Variants in SMIM21 observed in about 807,000 individuals in gnomAD.
SMIM21 encodes chromosome 18 open reading frame 62.
Under a neutral mutation model 8.6 loss-of-function variants are expected in SMIM21, and 8 were observed. The ratio of observed to expected loss-of-function variants is 0.93; its 90% confidence interval spans 0.55 to 1.68. The LOEUF (loss-of-function observed/expected upper bound fraction) is 1.68, where lower values mean the gene tolerates loss of function less well. Ranked by LOEUF, SMIM21 falls within the 40% of genes most tolerant of loss-of-function variation. The pLI, the probability that SMIM21 is intolerant of heterozygous loss-of-function variation, is 0.00. For synonymous variants in SMIM21, 43 were observed against 41.7 expected, an observed-to-expected ratio of 1.03 and a Z score of -0.12; for missense variants, 132 against 123.0, an observed-to-expected ratio of 1.07 and a Z score of -0.35.
chr18:75,421,962 C>G (rs1168621991), intron 1 of SMIM21, among the ~76,000 whole-genome samples: 1 of 152,080 alleles, frequency 6.6e-6, no homozygotes, highest in East Asian at 1.9e-4. Context: ...GAAAACACCT[C>G]AGGGACTCCC....
In SMIM21 at chr18:75,410,811, T is replaced by G. The variant is rs776732866; in HGVS notation, c.*53A>C. The G allele has an allele frequency of 3.0e-5, 48 of 1,606,208 alleles. No homozygotes were observed. Among genetic ancestry groups the G allele is most frequent in the Admixed American group, 1.0e-4 (6 of 58,672 alleles). ...ATTTCCTCTTAATTTCTTTTCATCTTGAGCAGGGGAAATCCATGGTATGAA... is the reference window on the plus strand; with the variant it reads ...ATTTCCTCTTAATTTCTTTTCATCTGGAGCAGGGGAAATCCATGGTATGAA... On this transcript the variant is annotated 3_prime_UTR_variant, in exon 3 of 3. Transcript: ENST00000579022.
chr18:75,420,978 G>A (rs1250665477), intron 1 of SMIM21, among the ~76,000 whole-genome samples: 3 of 152,146 alleles, frequency 2.0e-5, no homozygotes, highest in African/African-American at 7.2e-5. Context: ...TTCTTAACGG[G>A]AATCCTAAGA....
intron 2 of SMIM21, chr18:75,416,919 G>A (rs1021260575): frequency 5.9e-5 from 9 of 152,162 alleles, no homozygotes; most frequent in African/African-American, 2.2e-4. Context: ...TTCCTGGGAG[G>A]TAGAAACGAC....
chr18:75,412,499 A>G (rs2024594733), intron 2 of SMIM21: 1 of 152,220 alleles, frequency 6.6e-6, no homozygotes, highest in Non-Finnish European at 1.5e-5. Context: ...TGGTTTGTGG[A>G]AAGAGTGCTA....
intron 1 of SMIM21, among the ~76,000 whole-genome samples, chr18:75,421,994 T>C (rs1737691987): frequency 6.6e-6 from 1 of 152,076 alleles, no homozygotes; most frequent in Non-Finnish European, 1.5e-5. Context: ...TGAGAACCAA[T>C]ATGACGTGAT....
chr18:75,414,809 G>A (rs1012036261), intron 2 of SMIM21, among the ~76,000 whole-genome samples: 8 of 152,068 alleles, frequency 5.3e-5, no homozygotes, highest in Admixed American at 4.6e-4. Flanking sequence ...TGGACCCTTT[G>A]AACGTACCAC....
At chr18:75,416,990 G>A (rs983146178) in intron 2 of SMIM21, 1 of 152,176 alleles carries the variant, frequency 6.6e-6, no homozygotes, top group African/African-American at 2.4e-5. Flanking sequence ...GCTTCCTTTA[G>A]GAGAAAATTT....
Position 75,409,970 on chromosome 18 carries a change from C to T in SMIM21, c.*894G>A. On this transcript the variant is annotated 3_prime_UTR_variant, in exon 3 of 3. Transcript: ENST00000579022. ...ACCTCGTCAAGGACTTTGCAGCCGC[C>T]TTAACTTTGAGTCTCCTTGCTTCTG... is the stretch of plus-strand genomic sequence containing the variant. 1 of 152,840 alleles carries T rather than the reference C, an allele frequency of 6.5e-6. No individual in the cohort carries two copies. The allele number at this position is 152,840 out of a possible 1,614,324, so 9.5% of individuals were successfully genotyped here.
chr18:75,421,925 C>T (rs1238358612), intron 1 of SMIM21, among the ~76,000 whole-genome samples: 1 of 152,106 alleles, frequency 6.6e-6, no homozygotes, highest in Admixed American at 6.5e-5. Context: ...TATTATCATG[C>T]AAGTAATTTT....
In SMIM21 at chr18:75,409,646, G is replaced by A. The variant is rs562354914; in HGVS notation, c.*1218C>T. The A allele has an allele frequency of 7.1e-3, 993 of 140,422 alleles. 8 individuals carry two copies. Among genetic ancestry groups the A allele is most frequent in the Admixed American group, 0.011 (156 of 13,770 alleles). The allele number at this position is 140,422 out of a possible 1,614,324, so 8.7% of individuals were successfully genotyped here. ...AAAGACAAAGACAGACTGTTCCATC[G>A]GTGACAAGAACTCTGTGTGTGTGTG... On this transcript the variant is annotated 3_prime_UTR_variant, in exon 3 of 3. Transcript: ENST00000579022.
intron 1 of SMIM21, among the ~76,000 whole-genome samples, chr18:75,420,383 G>A (rs900308649): frequency 2.6e-5 from 4 of 152,056 alleles, no homozygotes; most frequent in African/African-American, 4.8e-5. Flanking sequence ...AATATATGTC[G>A]TTGCATCTTC....
intron 2 of SMIM21, chr18:75,416,071 C>T (rs1164715918): frequency 2.6e-5 from 4 of 152,224 alleles, no homozygotes; most frequent in Non-Finnish European, 5.9e-5. Flanking sequence ...AGTGAAATGG[C>T]ATGGCCAAAG....
intron 1 of SMIM21, among the ~76,000 whole-genome samples, chr18:75,421,592 G>C (rs1568154462): frequency 6.6e-6 from 1 of 152,124 alleles, no homozygotes; most frequent in African/African-American, 2.4e-5. Flanking sequence ...AGCTCTGTGG[G>C]GTCAGGGTGG....
chr18:75,423,082 G>C (rs2024726354), intron 1 of SMIM21, among the ~76,000 whole-genome samples: 1 of 152,198 alleles, frequency 6.6e-6, no homozygotes, highest in Non-Finnish European at 1.5e-5. Context: ...GATCAGATCA[G>C]TTATGAAAAT....
rs747876238 is a variant in SMIM21 at position 75,418,797 on chromosome 18, G to T, written c.249C>A (p.Ser83Arg). 41 of 1,604,702 alleles carry T rather than the reference G, an allele frequency of 2.6e-5. No individual in the cohort carries two copies. In the African/African-American group the frequency reaches 5.2e-4, roughly 21 times the overall value. ...GVSEDWKRANSIFRNFLRLKS... is the reference protein window; with the variant it reads ...GVSEDWKRANRIFRNFLRLKS... ...TATCGTTTACCTACTTTCGAAATAT[G>T]CTGTTGGCCCTTTTCCAGTCTTCAG... Residue 83 changes from serine to arginine, a missense_variant, in exon 2 of 3, where the codon AGC becomes AGA. Coordinates refer to ENST00000579022, the MANE Select transcript of SMIM21 (RefSeq NM_001037331.3).
At chr18:75,421,435 G>A (rs7407239) in intron 1 of SMIM21, among the ~76,000 whole-genome samples, 66,669 of 151,606 alleles carry the variant, frequency 0.44, 17,141 homozygotes, top group East Asian at 0.79. Flanking sequence ...GGCTCCCACC[G>A]TGAGATATGG....
intron 1 of SMIM21, among the ~76,000 whole-genome samples, chr18:75,421,411 G>T (rs887263374): frequency 6.6e-6 from 1 of 151,882 alleles, no homozygotes; most frequent in Non-Finnish European, 1.5e-5. Context: ...ATTCTGAGCT[G>T]CAGGCTCTCC....
intron 2 of SMIM21, among the ~76,000 whole-genome samples, chr18:75,413,515 T>C (rs1230457637): frequency 6.6e-6 from 1 of 152,212 alleles, no homozygotes; most frequent in Non-Finnish European, 1.5e-5. Flanking sequence ...AGATCCAATG[T>C]CTGTACTTAA....
intron 2 of SMIM21, chr18:75,417,649 C>T (rs1427260715): frequency 6.6e-6 from 1 of 152,280 alleles, no homozygotes; most frequent in African/African-American, 2.4e-5. Context: ...CTCAACGGCT[C>T]TCTAGGGTTA....
Sources: gnomAD v4.1 joint callset for allele counts (sites outside exome capture counted in the v4.1 genomes callset) on GRCh38, gnomAD v4.1.1 for gene constraint, MANE v1.5 for transcripts, NCBI Gene and HGNC (gene_info 2026-07-23, HGNC 2026-07-21) for gene names.